TLCD4: variants seen among roughly 807,000 people sequenced by gnomAD.
The protein encoded by TLCD4 is TLC domain-containing protein 4.
A neutral mutation model predicts 24.2 loss-of-function variants in TLCD4; 7 were observed. That is an observed-to-expected ratio of 0.29 (90% CI 0.16 to 0.54). TLCD4 has a LOEUF of 0.54. TLCD4 is among the 20% of genes least tolerant of loss of function. TLCD4 has a pLI of 0.95. For missense variants in TLCD4, 259 were observed against 313.9 expected, an observed-to-expected ratio of 0.82 and a Z score of 1.32; for synonymous variants, 103 against 106.4, an observed-to-expected ratio of 0.97 and a Z score of 0.20.
chr1:95,109,700 G>C, the TLCD4 span, among the ~76,000 whole-genome samples: 2 of 151,304 alleles, frequency 1.3e-5, no homozygotes, highest in African/African-American at 4.9e-5. Flanking sequence ...TGTTGGCCAG[G>C]CTGGTCTTGA....
chr1:95,178,728 C>A (rs1263497677), intron 6 of TLCD4, among the ~76,000 whole-genome samples: 1 of 152,068 alleles, frequency 6.6e-6, no homozygotes, highest in Non-Finnish European at 1.5e-5. Context: ...GTTGCAATGA[C>A]CTTGGACAAG....
chr1:95,159,184 T>G (rs1369061564), intron 5 of TLCD4, among the ~76,000 whole-genome samples: 1 of 152,238 alleles, frequency 6.6e-6, no homozygotes, highest in Non-Finnish European at 1.5e-5. Flanking sequence ...TTCCTGACTT[T>G]TTAATGATCG....
chr1:95,098,971 G>C, the TLCD4 span, among the ~76,000 whole-genome samples: 1 of 138,550 alleles, frequency 7.2e-6, no homozygotes, highest in African/African-American at 2.7e-5. Context: ...TGAGGCAGGA[G>C]AATCACTTGA....
chr1:95,115,656 A>AGGAATATAGTGGGACAT (rs1676415887), upstream of TLCD4, among the ~76,000 whole-genome samples: 1 of 152,224 alleles, frequency 6.6e-6, no homozygotes, highest in Non-Finnish European at 1.5e-5. Flanking sequence ...CCTAATATGA[A>AGGAATATAGTGGGACAT]GGAATATAGT....
chr1:95,093,091 T>G, the TLCD4 span, among the ~76,000 whole-genome samples: 2 of 152,216 alleles, frequency 1.3e-5, no homozygotes, highest in Non-Finnish European at 2.9e-5. Context: ...CAAATCTGAC[T>G]TGGAAATGCC....
intron 5 of TLCD4, among the ~76,000 whole-genome samples, chr1:95,162,349 G>A (rs142903480): frequency 0.094 from 11,952 of 126,780 alleles, 981 homozygotes; most frequent in South Asian, 0.15. Flanking sequence ...CTTTCCATTT[G>A]CTCGGTAGAT....
chr1:95,110,131 A>G, the TLCD4 span, among the ~76,000 whole-genome samples: 3 of 151,054 alleles, frequency 2.0e-5, no homozygotes, highest in Non-Finnish European at 4.4e-5. Context: ...TTTAAAAAAT[A>G]TATATATTTC....
chr1:95,183,372 C>T (rs1311726761), intron 6 of TLCD4, among the ~76,000 whole-genome samples: 1 of 152,056 alleles, frequency 6.6e-6, no homozygotes, highest in Admixed American at 6.6e-5. Context: ...ATTAGGAAGA[C>T]TGAGAGGGAA....
the TLCD4 span, among the ~76,000 whole-genome samples, chr1:95,094,433 C>T: frequency 6.6e-6 from 1 of 152,098 alleles, no homozygotes; most frequent in Non-Finnish European, 1.5e-5. Flanking sequence ...TGGCTAGCCT[C>T]TTTGAGGATA....
chr1:95,132,656 A>G (rs1571730001), intron 1 of TLCD4, among the ~76,000 whole-genome samples: 1 of 152,236 alleles, frequency 6.6e-6, no homozygotes, highest in African/African-American at 2.4e-5. Flanking sequence ...TATATACATT[A>G]GCTCAGAGGA....
chr1:95,150,032 C>T (rs939094250), intron 3 of TLCD4, among the ~76,000 whole-genome samples, 176 bp from the exon 4 acceptor site: 3 of 152,160 alleles, frequency 2.0e-5, no homozygotes, highest in East Asian at 3.9e-4. Flanking sequence ...CCACATGATG[C>T]GTCACAGTTT....
chr1:95,134,729 T>C (rs996896266), intron 1 of TLCD4, among the ~76,000 whole-genome samples: 2 of 152,190 alleles, frequency 1.3e-5, no homozygotes, highest in Non-Finnish European at 2.9e-5. Context: ...GTTAGGGGTC[T>C]AGACCTGGTG....
the TLCD4 span, among the ~76,000 whole-genome samples, chr1:95,098,844 C>T: frequency 1.3e-5 from 2 of 151,914 alleles, no homozygotes; most frequent in East Asian, 1.9e-4. Flanking sequence ...GTGGGTGGAT[C>T]ACCTGAGGTC....
At chr1:95,120,922 A>T (rs1462123360) in intron 1 of TLCD4, 1 of 152,252 alleles carries the variant, frequency 6.6e-6, no homozygotes, top group African/African-American at 2.4e-5. Context: ...AACAGGTTGC[A>T]GTGGAGCAGG....
intron 1 of TLCD4, among the ~76,000 whole-genome samples, chr1:95,131,834 A>T (rs1343197542): frequency 6.6e-6 from 1 of 152,138 alleles, no homozygotes; most frequent in Non-Finnish European, 1.5e-5. Flanking sequence ...TTGAAATTTG[A>T]TTCGCAATGT....
chr1:95,148,569 A>G (rs979342459), intron 2 of TLCD4, 133 bp from the exon 3 acceptor site: 17 of 1,198,078 alleles, frequency 1.4e-5, no homozygotes, highest in Admixed American at 5.8e-5. Flanking sequence ...TTTGCATTAT[A>G]CTCTCCGTTA....
intron 5 of TLCD4, among the ~76,000 whole-genome samples, chr1:95,153,651 C>T (rs1677551208): frequency 6.6e-6 from 1 of 152,092 alleles, no homozygotes; most frequent in South Asian, 2.1e-4. Context: ...CCCAGTCAGA[C>T]CACATCCAAG....
chr1:95,123,658 G>A (rs912607059), intron 1 of TLCD4, among the ~76,000 whole-genome samples: 3 of 152,070 alleles, frequency 2.0e-5, no homozygotes, highest in Non-Finnish European at 4.4e-5. Flanking sequence ...CCCTCCAGAC[G>A]TTTTCTCTAC....
chr1:95,174,597 A>G (rs1678356718), intron 6 of TLCD4, among the ~76,000 whole-genome samples: 1 of 152,004 alleles, frequency 6.6e-6, no homozygotes, highest in African/African-American at 2.4e-5. Flanking sequence ...CTAAGGCGGA[A>G]GGATTGCATG....
Sources: allele counts gnomAD v4.1 joint callset (sites outside exome capture counted in the v4.1 genomes callset), GRCh38; gene constraint gnomAD v4.1.1; transcripts MANE v1.5; gene names NCBI Gene and HGNC (gene_info 2026-07-23, HGNC 2026-07-21).